Variants in FAM135B observed in about 807,000 individuals in gnomAD.
FAM135B encodes protein FAM135B.
In FAM135B, 43 loss-of-function variants were observed where a neutral mutation model predicts 127.7. The ratio of observed to expected loss-of-function variants is 0.34; its 90% CI spans 0.26 to 0.43. The LOEUF is 0.43. Among genes scored for constraint, FAM135B ranks in the 20% least tolerant of loss-of-function variants. The pLI is 1.00. For synonymous variants in FAM135B, 670 were observed against 665.1 expected (o/e 1.01, Z -0.11); for missense variants, 1,558 against 1,725.6 (o/e 0.90, Z 1.72).
At position 138,152,359 on chromosome 8, in the gene FAM135B, C is replaced by A. The variant is rs1818247757; in HGVS notation, c.2116G>T (p.Glu706Ter). 1 of 1,614,174 alleles carries A rather than the reference C, an allele frequency of 6.2e-7. No homozygotes were observed. Residue 706 changes from glutamate (E) to a stop codon, truncating the protein, a stop_gained, in exon 13 of 20, where the codon GAG becomes TAG. Coordinates refer to ENST00000395297, the MANE Select transcript of FAM135B (RefSeq NM_015912.4). LOFTEE classifies it high-confidence loss of function. ...AWSEARSRAL[E>*]LPSDREVLHP... ...AAGACTTCCCGATCACTGGGCAACT[C>A]CAGAGCCCTGCTTCGGGCCTCTGAC...
chr8:138,428,072 CA>C (rs1834994853), intron 1 of FAM135B, among the ~76,000 whole-genome samples: 1 of 152,148 alleles, frequency 6.6e-6, no homozygotes, highest in Non-Finnish European at 1.5e-5. Context: ...AGTTGGGTGT[CA>C]AACTTTGGGC....
chr8:138,432,814 C>T (rs1345708654), intron 1 of FAM135B, among the ~76,000 whole-genome samples: 1 of 152,060 alleles, frequency 6.6e-6, no homozygotes, highest in Non-Finnish European at 1.5e-5. Context: ...GAATATACAT[C>T]AAATTAGACA....
intron 10 of FAM135B, among the ~76,000 whole-genome samples, chr8:138,177,962 T>G (rs1586693609): frequency 6.6e-6 from 1 of 152,190 alleles, no homozygotes; most frequent in South Asian, 2.1e-4. Flanking sequence ...AAGCACTTTT[T>G]CAGCTGGTGC....
At chr8:138,286,481 A>G (rs1824698830) in intron 3 of FAM135B, among the ~76,000 whole-genome samples, 1 of 152,220 alleles carries the variant, frequency 6.6e-6, no homozygotes, top group African/African-American at 2.4e-5. Flanking sequence ...CCACGTATAG[A>G]CGGCCTACTC....
At chr8:138,361,380 T>C (rs376810472) in intron 2 of FAM135B, among the ~76,000 whole-genome samples, 89 of 152,324 alleles carry the variant, frequency 5.8e-4, no homozygotes, top group African/African-American at 2.1e-3. Flanking sequence ...TCATCTGTAA[T>C]TGAATAAATT....
intron 2 of FAM135B, among the ~76,000 whole-genome samples, chr8:138,334,858 A>G (rs1828447451): frequency 6.6e-6 from 1 of 152,152 alleles, no homozygotes; most frequent in African/African-American, 2.4e-5. Context: ...GAACATACGC[A>G]TACATGTGTC....
At chr8:138,449,909 A>G (rs1836398803) in intron 1 of FAM135B, among the ~76,000 whole-genome samples, 1 of 152,198 alleles carries the variant, frequency 6.6e-6, no homozygotes, top group South Asian at 2.1e-4. Flanking sequence ...CCCTATATAT[A>G]CATAAATATT....
intron 9 of FAM135B, among the ~76,000 whole-genome samples, chr8:138,192,260 TC>T (rs2131087207): frequency 6.6e-6 from 1 of 152,358 alleles, no homozygotes; most frequent in African/African-American, 2.4e-5. Context: ...CCTTCTTGAT[TC>T]TAACCTCCAA....
rs756748694 is a variant in FAM135B, at chr8:138,148,633, A to G, written c.3335T>C (p.Leu1112Pro). The G allele has an allele frequency of 1.2e-6, 2 of 1,609,892 alleles. No individual in the cohort carries two copies. Among genetic ancestry groups the G allele is most frequent in the Non-Finnish European group, 1.7e-6 (2 of 1,177,580 alleles). ...AGCTAGTACAGTTAAGTCACTGTAC[A>G]GAAATCCTTCAATCTTCAGTTCTTT... ...FKKELKIEGF[L>P]YSDLTVLASD... The change falls in exon 14 of 20, where the codon CTG (leucine) becomes CCG (proline). Residue 1112 changes from leucine (L) to proline (P), a missense_variant. Physicochemically the swap from Leu to Pro is moderately conservative, Grantham distance 98 (BLOSUM62 -3). Transcript: ENST00000395297.
chr8:138,241,737 G>T lies in FAM135B; in HGVS notation c.669+1205C>A, dbSNP rs369872795. 4.6e-5 allele frequency among the ~76,000 whole-genome samples: 7 copies of T among 152,288 alleles called. No individual in the cohort carries two copies. The highest frequency in any genetic ancestry group is 1.7e-4 in the African/African-American group (7 of 41,566). On this transcript the variant is annotated intron_variant, in intron 7 of 19. Transcript: ENST00000395297. This position sits in a 1 kb window ranked among gnomAD's most constrained non-coding sequence, Gnocchi z 4.8. ...ATTAGTAGTGATAGTTACTATTAAT[G>T]TGACAGTTACTTTTACGTGTCATCT...
intron 1 of FAM135B, among the ~76,000 whole-genome samples, chr8:138,491,954 G>A (rs1815220201): frequency 6.6e-6 from 1 of 152,212 alleles, no homozygotes; most frequent in Non-Finnish European, 1.5e-5. Flanking sequence ...CAGGTCACAA[G>A]GTGGTGAGCC....
chr8:138,495,343 T>G (rs900000974), intron 1 of FAM135B, among the ~76,000 whole-genome samples: 2 of 152,194 alleles, frequency 1.3e-5, no homozygotes, highest in African/African-American at 2.4e-5. Context: ...ATCCATGTTT[T>G]CTGACCCTCC....
chr8:138,361,455 A>C (rs1422011099), intron 2 of FAM135B, among the ~76,000 whole-genome samples: 1 of 152,216 alleles, frequency 6.6e-6, no homozygotes, highest in African/African-American at 2.4e-5. Context: ...CCCAGTACGC[A>C]CTAGACCCTA....
intron 7 of FAM135B, among the ~76,000 whole-genome samples, chr8:138,221,849 A>G (rs897576891): frequency 2.6e-5 from 4 of 152,212 alleles, no homozygotes; most frequent in Non-Finnish European, 4.4e-5. Context: ...ATGAGTGTGC[A>G]CACACACGCA....
intron 4 of FAM135B, 98 bp from the exon 5 acceptor site, chr8:138,256,857 T>C: frequency 1.1e-6 from 1 of 880,208 alleles, no homozygotes; most frequent in East Asian, 2.6e-5. Flanking sequence ...AACACTATCT[T>C]GTCCAAAAAT....
chr8:138,403,431 C>G (rs913088280), intron 1 of FAM135B, among the ~76,000 whole-genome samples: 2 of 152,104 alleles, frequency 1.3e-5, no homozygotes, highest in South Asian at 4.1e-4. Context: ...AAACAGGTCA[C>G]CAAATTGTTG....
intron 2 of FAM135B, among the ~76,000 whole-genome samples, chr8:138,317,284 A>G (rs1587070392): frequency 6.6e-6 from 1 of 152,228 alleles, no homozygotes; most frequent in East Asian, 1.9e-4. Flanking sequence ...TTCCATTTAC[A>G]TGGCAAGTTT....
At chr8:138,176,615 A>G (rs1247678844) in intron 11 of FAM135B, among the ~76,000 whole-genome samples, 1 of 152,220 alleles carries the variant, frequency 6.6e-6, no homozygotes, top group Non-Finnish European at 1.5e-5. Context: ...GATTCTAATG[A>G]GAAAGGTGAA....
chr8:138,380,560 T>TCCACC (rs1386265216), intron 1 of FAM135B, among the ~76,000 whole-genome samples: 1 of 152,072 alleles, frequency 6.6e-6, no homozygotes, highest in Non-Finnish European at 1.5e-5. Context: ...CACCACCTTG[T>TCCACC]CCACCCGCTC....
Sources: allele counts gnomAD v4.1 joint callset (sites outside exome capture counted in the v4.1 genomes callset), GRCh38; gene constraint gnomAD v4.1.1; non-coding constraint Gnocchi (gnomAD v3.1); transcripts MANE v1.5; gene names NCBI Gene and HGNC (gene_info 2026-07-23, HGNC 2026-07-21).